The following GYG1 variants were observed in gnomAD, a reference collection of about 807,000 sequenced individuals.
GYG1 encodes glycogenin-1.
GYG1 carries 44 observed loss-of-function variants against 41.9 expected under a neutral mutation model. The observed-to-expected ratio is 1.05, with a 90% confidence interval of 0.83 to 1.35. GYG1 has a LOEUF of 1.35. Among genes scored for constraint, GYG1 ranks in the 40% most tolerant of loss-of-function variants. The probability of loss-of-function intolerance (pLI) is 0.00; values close to 1 mark genes in which losing one functional copy is unlikely to be tolerated. For missense variants in GYG1, 429 were observed against 418.9 expected (o/e 1.02, Z -0.21); for synonymous variants, 141 against 158.1 (o/e 0.89, Z 0.81).
intron 1 of GYG1, among the ~76,000 whole-genome samples, chr3:148,993,662 A>G (rs1179904398): frequency 6.6e-6 from 1 of 152,144 alleles, no homozygotes; most frequent in East Asian, 1.9e-4. Context: ...ATACATACAT[A>G]CATTCCTGAG....
At chr3:149,024,523 CTT>C (rs1485451217) in intron 6 of GYG1, among the ~76,000 whole-genome samples, 1 of 152,162 alleles carries the variant, frequency 6.6e-6, no homozygotes, top group African/African-American at 2.4e-5. Flanking sequence ...TATATTTTAA[CTT>C]TAGAATTCTT....
At chr3:149,015,360 T>G (rs981655739) in intron 5 of GYG1, among the ~76,000 whole-genome samples, 3 of 152,144 alleles carry the variant, frequency 2.0e-5, no homozygotes, top group African/African-American at 7.2e-5. Context: ...GACAAGATGA[T>G]GTAGCCAAGG....
Position 149,006,293 on chromosome 3 carries a change from G to A in GYG1, c.482-2983G>A, listed in dbSNP as rs1366178890. Among the ~76,000 whole-genome samples, 3 of 151,944 alleles carry A rather than the reference G, an allele frequency of 2.0e-5. No individual in the cohort carries two copies. The East Asian group carries it at 5.8e-4, about 29-fold the overall frequency. On this transcript the variant is annotated intron_variant, in intron 4 of 7. Transcript: ENST00000345003. ...AGACGGGGTTTCACCATATTGGTCAGGCTGGTCTTGAACTCCTGACCTTGT... is the reference window on the plus strand; with the variant it reads ...AGACGGGGTTTCACCATATTGGTCAAGCTGGTCTTGAACTCCTGACCTTGT...
intron 5 of GYG1, among the ~76,000 whole-genome samples, chr3:149,019,728 G>A (rs1422499133): frequency 6.6e-6 from 1 of 152,234 alleles, no homozygotes; most frequent in Non-Finnish European, 1.5e-5. Flanking sequence ...TGAAGGTAGA[G>A]ATCAGTGCCT....
chr3:149,002,745 G>T (rs551439427), intron 4 of GYG1, among the ~76,000 whole-genome samples: 2 of 152,272 alleles, frequency 1.3e-5, no homozygotes, highest in African/African-American at 4.8e-5. Flanking sequence ...AAGTGTCCAG[G>T]CGCAGTGGCT....
At position 149,031,742 on chromosome 3, in the gene GYG1, T is replaced by C. The variant is rs1715070174; in HGVS notation, c.*4809T>C. 2 of 152,184 alleles carry C rather than the reference T, an allele frequency of 1.3e-5. No individual in the cohort carries two copies. The highest frequency in any genetic ancestry group is 2.1e-4 in the South Asian group (1 of 4,830). 9.4% of individuals were successfully genotyped at this position (152,184 alleles called of 1,614,324 possible). A position where few individuals can be genotyped will look rare whatever the true frequency, so the allele number is the denominator to read the frequency against. On this transcript the variant is annotated 3_prime_UTR_variant, in exon 8 of 8. Transcript: ENST00000345003. ...ATTTGGTTCTGGAATGCAAATATGG[T>C]TTTTGAAAGCCCAATAAAATTAATT... is the stretch of plus-strand genomic sequence containing the variant.
chr3:149,026,764 A>G lies in GYG1; in HGVS notation c.884A>G (p.Asp295Gly). 6.2e-7 allele frequency: 1 copy of G among 1,601,492 alleles called. No individual in the cohort carries two copies. The highest frequency in any genetic ancestry group is 1.1e-5 in the South Asian group (1 of 90,822). ...CAATTATGCTTTCCTTTCTAGGAAGATGTCTCAGGAGCCATATCACATCTG... is the reference window on the plus strand; with the variant it reads ...CAATTATGCTTTCCTTTCTAGGAAGGTGTCTCAGGAGCCATATCACATCTG... ...AFSCGFCRKE[D>G]VSGAISHLSL... Residue 295 changes from aspartate (D) to glycine (G), a missense_variant, in exon 8 of 8, where the codon GAT becomes GGT. Coordinates refer to ENST00000345003, the MANE Select transcript of GYG1 (RefSeq NM_004130.4).
intron 5 of GYG1, among the ~76,000 whole-genome samples, chr3:149,011,284 T>C (rs1328178132): frequency 6.6e-6 from 1 of 152,240 alleles, no homozygotes; most frequent in East Asian, 1.9e-4. Context: ...TCCTTACTTA[T>C]AACCCTGCTA....
chr3:149,018,512 C>T (rs1714191535), intron 5 of GYG1, among the ~76,000 whole-genome samples: 1 of 152,154 alleles, frequency 6.6e-6, no homozygotes, highest in Admixed American at 6.5e-5. Context: ...CTGCCTTACA[C>T]AAAGTTGCAA....
Position 148,991,633 on chromosome 3 carries a change from G to C in GYG1, c.-8G>C. On this transcript the variant is annotated 5_prime_UTR_variant, in exon 1 of 8. Transcript: ENST00000345003. Reference sequence around the variant, plus strand: ...GCTGCCCCGGCCGCCTGCGCACCCGGCAGCACCATGACAGGTACCGCCGCG... The same window carrying C: ...GCTGCCCCGGCCGCCTGCGCACCCGCCAGCACCATGACAGGTACCGCCGCG... 1 of 1,552,466 alleles carries C rather than the reference G, an allele frequency of 6.4e-7. No homozygotes were observed. The highest frequency in any genetic ancestry group is 8.6e-7 in the Non-Finnish European group (1 of 1,157,898).
chr3:149,016,277 CAAAAA>C (rs1306187346), intron 5 of GYG1, among the ~76,000 whole-genome samples: 1 of 99,750 alleles, frequency 1.0e-5, no homozygotes, highest in Admixed American at 1.0e-4. Flanking sequence ...AAAAAAAAAA[CAAAAA>C]AGAAAAAAAA....
At position 149,009,378 on chromosome 3, in the gene GYG1, A is replaced by G; in HGVS notation, c.584A>G (p.Tyr195Cys). 1 of 1,613,190 alleles carries G rather than the reference A, an allele frequency of 6.2e-7. No homozygotes were observed. Among genetic ancestry groups the G allele is most frequent in the Non-Finnish European group, 8.5e-7 (1 of 1,179,206 alleles). The change falls in exon 5 of 8, where the codon TAC becomes TGC. Residue 195 changes from tyrosine (Y) to cysteine (C), a missense_variant. Transcript: ENST00000345003. ...TATAACCTAAGCAGCATCTCTATAT[A>G]CTCCTACCTCCCGGCATTTAAAGTG... ...FIYNLSSISI[Y>C]SYLPAFKVFG...
chr3:149,023,540 T>C (rs947654561), intron 5 of GYG1, among the ~76,000 whole-genome samples: 3 of 152,222 alleles, frequency 2.0e-5, no homozygotes, highest in African/African-American at 7.2e-5. Context: ...ACTTTCCAAG[T>C]GGTGTGCCTG....
intron 1 of GYG1, 91 bp downstream of exon 1, chr3:148,991,738 G>A: frequency 9.1e-7 from 1 of 1,102,638 alleles, no homozygotes; most frequent in Admixed American, 2.2e-5. Context: ...CAGCCCCGGA[G>A]TGTTCCCGGC....
At chr3:148,991,703 C>T in intron 1 of GYG1, 56 bp downstream of exon 1, 1 of 1,342,354 alleles carries the variant, frequency 7.4e-7, no homozygotes, top group Non-Finnish European at 1.0e-6. Flanking sequence ...CCTGCCCAGC[C>T]GCCGCCTCCC....
chr3:149,026,799 G>T lies in GYG1; in HGVS notation c.919G>T (p.Glu307Ter). Residue 307 changes from glutamate (E) to a stop codon, truncating the protein, a stop_gained, in exon 8 of 8, where the codon GAG (glutamate) becomes TAG (stop). Coordinates refer to ENST00000345003, the MANE Select transcript of GYG1 (RefSeq NM_004130.4). LOFTEE classifies it high-confidence loss of function. Reference protein sequence around the residue: ...SGAISHLSLGEIPAMAQPFVS... With the variant: ...SGAISHLSLG ...AGCCATATCACATCTGTCCCTTGGG[G>T]AGATCCCAGCTATGGCACAGCCGTT... 6.2e-7 allele frequency: 1 copy of T among 1,613,812 alleles called. No homozygotes were observed. The highest frequency in any genetic ancestry group is 2.2e-5 in the East Asian group (1 of 44,868).
In GYG1 at chr3:149,019,318, C is replaced by T. The variant is rs1355363642; in HGVS notation, c.609-4735C>T. 3.9e-5 allele frequency among the ~76,000 whole-genome samples: 6 copies of T among 152,184 alleles called. No individual in the cohort carries two copies. In the East Asian group the frequency reaches 9.6e-4, roughly 24 times the overall value. On this transcript the variant is annotated intron_variant, in intron 5 of 7. Transcript: ENST00000345003. Reference sequence around the variant, plus strand: ...ACTAATTTGTAAAGAAACCTACTTACATCCTAACACTTTGTGATTTGTTTC... The same window carrying T: ...ACTAATTTGTAAAGAAACCTACTTATATCCTAACACTTTGTGATTTGTTTC...
chr3:148,996,187 C>CAAT, intron 2 of GYG1, 115 bp from the exon 3 acceptor site: 1 of 806,798 alleles, frequency 1.2e-6, no homozygotes, highest in East Asian at 2.4e-5. Context: ...TCTACCAAAG[C>CAAT]AATACATTGT....
intron 4 of GYG1, among the ~76,000 whole-genome samples, chr3:148,999,066 T>C (rs915491745): frequency 1.3e-5 from 2 of 152,240 alleles, no homozygotes; most frequent in African/African-American, 4.8e-5. Context: ...GGTAAGACTT[T>C]GATTACCAAA....
Sources: gnomAD v4.1 joint callset for allele counts (sites outside exome capture counted in the v4.1 genomes callset) on GRCh38, gnomAD v4.1.1 for gene constraint, MANE v1.5 for transcripts, NCBI Gene and HGNC (gene_info 2026-07-23, HGNC 2026-07-21) for gene names.